The following ABHD17C variants were observed in gnomAD, a reference collection of about 807,000 sequenced individuals.
ABHD17C encodes abhydrolase domain containing 17C, depalmitoylase.
In ABHD17C, 11 loss-of-function variants were observed where a neutral mutation model predicts 27.9. The observed-to-expected ratio is 0.39, with a 90% CI of 0.25 to 0.65. The LOEUF (loss-of-function observed/expected upper bound fraction) is 0.65. ABHD17C is among the 30% of genes least tolerant of loss of function. The pLI is 0.45. For missense variants in ABHD17C, 280 were observed against 470.2 expected (o/e 0.60, Z 3.74); for synonymous variants, 233 against 209.1 (o/e 1.11, Z -0.98).
intron 1 of ABHD17C, among the ~76,000 whole-genome samples, chr15:80,735,355 C>T (rs1017623447): frequency 1.3e-5 from 2 of 152,178 alleles, no homozygotes; most frequent in Admixed American, 1.3e-4. Context: ...ATTTTCTCAA[C>T]ACTTACCTAT....
intron 1 of ABHD17C, among the ~76,000 whole-genome samples, chr15:80,713,382 T>TTTTTTTTTTTTTTA (rs1567032390): frequency 1.0e-5 from 1 of 95,964 alleles, no homozygotes; most frequent in African/African-American, 3.2e-5. Flanking sequence ...TTTTTTTTTT[T>TTTTTTTTTTTTTTA]CAAAATCAGC....
chr15:80,717,843 T>C (rs143438359), intron 1 of ABHD17C, among the ~76,000 whole-genome samples: 1,570 of 152,246 alleles, frequency 0.01, 19 homozygotes, highest in Non-Finnish European at 0.017. Flanking sequence ...CTTAAGATGC[T>C]CTGAAACAGA....
At chr15:80,751,711 A>G (rs1303460850) in intron 2 of ABHD17C, among the ~76,000 whole-genome samples, 1 of 152,228 alleles carries the variant, frequency 6.6e-6, no homozygotes, top group Non-Finnish European at 1.5e-5. Flanking sequence ...CTAGGATTAC[A>G]CTATTGCACT....
In ABHD17C at chr15:80,695,479, G is replaced by C; in HGVS notation, c.50G>C (p.Cys17Ser). ...RMNGFSLGELCWLFCCPPCPS... is the reference protein window; with the variant it reads ...RMNGFSLGELSWLFCCPPCPS... ...AACGGCTTCTCGCTGGGTGAGCTGTGCTGGCTCTTCTGCTGCCCGCCCTGC... is the reference window on the plus strand; with the variant it reads ...AACGGCTTCTCGCTGGGTGAGCTGTCCTGGCTCTTCTGCTGCCCGCCCTGC... Residue 17 changes from cysteine to serine, a missense_variant, in exon 1 of 3, where the codon TGC becomes TCC. Cys to Ser is a moderately radical substitution (Grantham distance 112). Around this residue, in one of 2 missense-constraint regions of ABHD17C, gnomAD observed 74 missense variants for 75.5 expected, o/e 0.98. Transcript: ENST00000258884. The surrounding 1 kb of genome is among the most constrained non-coding windows in gnomAD (Gnocchi z 4.3). The C allele has an allele frequency of 7.2e-7, 1 of 1,392,782 alleles. No homozygotes were observed. Among genetic ancestry groups the C allele is most frequent in the Non-Finnish European group, 9.4e-7 (1 of 1,062,830 alleles). 86.3% of individuals were successfully genotyped at this position (1,392,782 alleles called of 1,614,324 possible). A position where few individuals can be genotyped will look rare whatever the true frequency, so the allele number is the denominator to read the frequency against.
chr15:80,754,659 C>G lies in ABHD17C; in HGVS notation c.*289C>G. The G allele has an allele frequency of 3.2e-6, 1 of 313,656 alleles. No homozygotes were observed. Among genetic ancestry groups the G allele is most frequent in the Non-Finnish European group, 5.9e-6 (1 of 168,268 alleles). The allele number at this position is 313,656 out of a possible 1,614,324, so 19.4% of individuals were successfully genotyped here. On this transcript the variant is annotated 3_prime_UTR_variant, in exon 3 of 3. Transcript: ENST00000258884. Reference sequence around the variant, plus strand: ...AATTTTCTAGTGCTGTATAAAGTAGCCTCGCATCTGTTTCTCAACCTTATC... The same window carrying G: ...AATTTTCTAGTGCTGTATAAAGTAGGCTCGCATCTGTTTCTCAACCTTATC...
intron 1 of ABHD17C, among the ~76,000 whole-genome samples, chr15:80,699,370 G>T (rs1036901712): frequency 1.3e-5 from 2 of 152,030 alleles, no homozygotes; most frequent in Non-Finnish European, 2.9e-5. Context: ...ACAAGTACTT[G>T]GATCTTATTT....
chr15:80,744,778 T>C (rs770269528), intron 1 of ABHD17C, among the ~76,000 whole-genome samples: 2 of 152,240 alleles, frequency 1.3e-5, no homozygotes, highest in Non-Finnish European at 2.9e-5. Context: ...ACAACAGTTA[T>C]TACCATTTTC....
chr15:80,705,362 T>TGTGTGTGG (rs776574776), intron 1 of ABHD17C, among the ~76,000 whole-genome samples: 1 of 150,624 alleles, frequency 6.6e-6, no homozygotes, highest in Non-Finnish European at 1.5e-5. Context: ...TGTGTGTGTG[T>TGTGTGTGG]GTGTGGTTAG....
chr15:80,722,747 C>A (rs1596065902), intron 1 of ABHD17C, among the ~76,000 whole-genome samples: 1 of 152,154 alleles, frequency 6.6e-6, no homozygotes, highest in African/African-American at 2.4e-5. Flanking sequence ...GCCTGGCAAC[C>A]ACCATTCTAC....
intron 1 of ABHD17C, among the ~76,000 whole-genome samples, chr15:80,726,738 G>A (rs1894985299): frequency 6.6e-6 from 1 of 151,880 alleles, no homozygotes; most frequent in Non-Finnish European, 1.5e-5. Context: ...GGTTAGTCAG[G>A]ATGGTCTCGA....
intron 1 of ABHD17C, among the ~76,000 whole-genome samples, chr15:80,732,407 T>G (rs1196133246): frequency 1.3e-5 from 2 of 152,216 alleles, no homozygotes; most frequent in African/African-American, 4.8e-5. Flanking sequence ...CTTGGCAGTT[T>G]CCATTCTGAG....
chr15:80,750,689 G>A (rs750483514), intron 2 of ABHD17C, among the ~76,000 whole-genome samples: 2 of 152,042 alleles, frequency 1.3e-5, no homozygotes, highest in East Asian at 1.9e-4. Context: ...AATGAGATTC[G>A]GCTTCATGGG....
At chr15:80,710,127 A>G (rs1414763389) in intron 1 of ABHD17C, among the ~76,000 whole-genome samples, 3 of 152,212 alleles carry the variant, frequency 2.0e-5, no homozygotes, top group Non-Finnish European at 2.9e-5. Flanking sequence ...AGAGACTGAC[A>G]CATGGCCCCA....
intron 1 of ABHD17C, among the ~76,000 whole-genome samples, chr15:80,743,357 T>G (rs1174853856): frequency 6.6e-6 from 1 of 152,096 alleles, no homozygotes; most frequent in Non-Finnish European, 1.5e-5. Flanking sequence ...GCTGTGTATG[T>G]GTACTTAGGG....
At chr15:80,721,974 T>G (rs1402580518) in intron 1 of ABHD17C, among the ~76,000 whole-genome samples, 1 of 152,198 alleles carries the variant, frequency 6.6e-6, no homozygotes, top group East Asian at 1.9e-4. Flanking sequence ...TTTGTATAAC[T>G]TTCTGTTCAG....
At chr15:80,713,382 T>TTTTTTTTTTTTC in intron 1 of ABHD17C, among the ~76,000 whole-genome samples, 1 of 96,044 alleles carries the variant, frequency 1.0e-5, no homozygotes, top group East Asian at 2.3e-4. Flanking sequence ...TTTTTTTTTT[T>TTTTTTTTTTTTC]CAAAATCAGC....
At chr15:80,752,856 C>T (rs954507299) in intron 2 of ABHD17C, among the ~76,000 whole-genome samples, 1 of 152,182 alleles carries the variant, frequency 6.6e-6, no homozygotes, top group African/African-American at 2.4e-5. Flanking sequence ...TTTTGGATTC[C>T]TCTTTTGGAT....
chr15:80,711,281 T>G (rs1894725588), intron 1 of ABHD17C, among the ~76,000 whole-genome samples: 1 of 152,178 alleles, frequency 6.6e-6, no homozygotes. Context: ...GTGACAGGTC[T>G]CTGTAGGAGA....
chr15:80,733,554 A>G (rs1476701427), intron 1 of ABHD17C, among the ~76,000 whole-genome samples: 1 of 152,174 alleles, frequency 6.6e-6, no homozygotes, highest in African/African-American at 2.4e-5. Context: ...AGGCAGAGGG[A>G]TGCTCCAAAA....
Sources: gnomAD v4.1 joint callset for allele counts (sites outside exome capture counted in the v4.1 genomes callset) on GRCh38, gnomAD v4.1.1 for gene constraint, gnomAD v4.1.1 regional missense constraint, Gnocchi (gnomAD v3.1) non-coding constraint, MANE v1.5 for transcripts, NCBI Gene and HGNC (gene_info 2026-07-23, HGNC 2026-07-21) for gene names.